The following ME1 variants were observed in gnomAD, a reference collection of about 807,000 sequenced individuals.
ME1 encodes the protein NADP-dependent malic enzyme.
Under a neutral mutation model 66.4 loss-of-function variants are expected in ME1, and 74 were observed. The observed-to-expected ratio is 1.11, with a 90% CI of 0.92 to 1.35. ME1 has a LOEUF of 1.35. Among genes scored for constraint, ME1 ranks in the 40% most tolerant of loss-of-function variants. The probability of loss-of-function intolerance (pLI) is 0.00; values close to 1 mark genes in which losing one functional copy is unlikely to be tolerated. For missense variants in ME1, 750 were observed against 694.1 expected (o/e 1.08, Z -0.90); for synonymous variants, 251 against 235.6 (o/e 1.07, Z -0.60).
At chr6:83,259,837 T>C (rs1385606404) in intron 6 of ME1, among the ~76,000 whole-genome samples, 1 of 150,604 alleles carries the variant, frequency 6.6e-6, no homozygotes, top group African/African-American at 2.5e-5. Flanking sequence ...TCTTAATTAT[T>C]CTTTGTGACA....
intron 6 of ME1, among the ~76,000 whole-genome samples, chr6:83,297,878 C>A (rs1583364657): frequency 6.6e-6 from 1 of 152,286 alleles, no homozygotes; most frequent in East Asian, 1.9e-4. Flanking sequence ...CATGTCCCTG[C>A]AAAGGACATG....
At chr6:83,387,030 C>T (rs1188329138) in intron 3 of ME1, among the ~76,000 whole-genome samples, 1 of 152,082 alleles carries the variant, frequency 6.6e-6, no homozygotes, top group Admixed American at 6.6e-5. Context: ...GACAGTGCCA[C>T]AGTCTTATTT....
intron 6 of ME1, among the ~76,000 whole-genome samples, chr6:83,308,497 T>C (rs1767866631): frequency 6.7e-6 from 1 of 150,184 alleles, no homozygotes; most frequent in Non-Finnish European, 1.5e-5. Context: ...AAAAGGATAC[T>C]ATAAGGAGTA....
intron 12 of ME1, among the ~76,000 whole-genome samples, chr6:83,223,072 A>G (rs188489718): frequency 6.6e-6 from 1 of 152,370 alleles, no homozygotes; most frequent in Non-Finnish European, 1.5e-5. Context: ...CTTTCACTTT[A>G]AACCTTCAAA....
At chr6:83,317,991 A>T (rs1400759952) in intron 5 of ME1, among the ~76,000 whole-genome samples, 1 of 152,164 alleles carries the variant, frequency 6.6e-6, no homozygotes, top group Non-Finnish European at 1.5e-5. Context: ...CCTCAGAAAT[A>T]ACGCCACATA....
Position 83,304,526 on chromosome 6 carries a change from T to C in ME1, c.704+10784A>G, listed in dbSNP as rs1324958389. ...AAAACTTTAACAATAGCTTATTTTG[T>C]TTTCTATTCACAAATGTGGCATTTT... is the stretch of plus-strand genomic sequence containing the variant. On this transcript the variant is annotated intron_variant, in intron 6 of 13. Transcript: ENST00000369705. Among the ~76,000 whole-genome samples, 3 of 152,298 alleles carry C rather than the reference T, an allele frequency of 2.0e-5. No homozygotes were observed. In the East Asian group the frequency reaches 5.8e-4, roughly 29 times the overall value.
At chr6:83,362,517 A>T (rs1020601733) in intron 3 of ME1, among the ~76,000 whole-genome samples, 5 of 152,188 alleles carry the variant, frequency 3.3e-5, no homozygotes, top group African/African-American at 1.2e-4. Context: ...GAGGTTACGT[A>T]TGGGCTCAGC....
chr6:83,310,418 GAGTTTAATCTC>G lies in ME1; in HGVS notation c.704+4881_704+4891del, dbSNP rs1373624452. Among the ~76,000 whole-genome samples, 10 of 152,150 alleles carry G rather than the reference GAGTTTAATCTC, an allele frequency of 6.6e-5. No homozygotes were observed. The East Asian group carries it at 1.5e-3, about 23-fold the overall frequency. On this transcript the variant is annotated intron_variant, in intron 6 of 13. Transcript: ENST00000369705. ...TGCTTCCTTTGTTATTTCTTCCACAGAGTTTAATCTCAAGGGCACTTCTTACAAACCTCTTA... is the reference window on the plus strand; with the variant it reads ...TGCTTCCTTTGTTATTTCTTCCACAGAAGGGCACTTCTTACAAACCTCTTA...
intron 3 of ME1, among the ~76,000 whole-genome samples, chr6:83,359,530 G>C (rs1337610291): frequency 6.6e-6 from 1 of 152,176 alleles, no homozygotes; most frequent in Non-Finnish European, 1.5e-5. Flanking sequence ...TGCAGCTCAG[G>C]GGGTTACAAA....
At chr6:83,388,344 C>G (rs544441613) in intron 3 of ME1, among the ~76,000 whole-genome samples, 67 of 152,246 alleles carry the variant, frequency 4.4e-4, no homozygotes, top group African/African-American at 1.5e-3. Flanking sequence ...CCTTGGCCCC[C>G]CAAAGTACTG....
At chr6:83,402,700 A>G (rs1769860281) in intron 2 of ME1, among the ~76,000 whole-genome samples, 2 of 152,162 alleles carry the variant, frequency 1.3e-5, no homozygotes, top group South Asian at 4.1e-4. Context: ...GCTAATGAAA[A>G]CAACAATCCA....
chr6:83,345,134 G>C (rs1362122324), intron 5 of ME1, among the ~76,000 whole-genome samples: 1 of 152,026 alleles, frequency 6.6e-6, no homozygotes, highest in Non-Finnish European at 1.5e-5. Flanking sequence ...TGAGTAGCTA[G>C]GACTGTAGGT....
chr6:83,290,478 C>T (rs889576103), intron 6 of ME1, among the ~76,000 whole-genome samples: 3 of 152,164 alleles, frequency 2.0e-5, no homozygotes, highest in Non-Finnish European at 2.9e-5. Flanking sequence ...TTTGATTGCA[C>T]TGTGGTCTGA....
chr6:83,299,253 C>T (rs1767666029), intron 6 of ME1, among the ~76,000 whole-genome samples: 1 of 151,886 alleles, frequency 6.6e-6, no homozygotes, highest in Admixed American at 6.6e-5. Context: ...GAAGGTTTTC[C>T]ATTTGTTTGT....
At chr6:83,299,351 T>G (rs905265743) in intron 6 of ME1, among the ~76,000 whole-genome samples, 3 of 152,150 alleles carry the variant, frequency 2.0e-5, no homozygotes, top group African/African-American at 7.2e-5. Flanking sequence ...CTAGATATTT[T>G]ATTCTCTTTA....
chr6:83,346,755 C>T (rs1768693721), intron 4 of ME1, among the ~76,000 whole-genome samples: 1 of 152,104 alleles, frequency 6.6e-6, no homozygotes, highest in African/African-American at 2.4e-5. Context: ...CCTAAATGCT[C>T]TGATCTTCAG....
In ME1 at chr6:83,274,782, A is replaced by C. The variant is rs114732831; in HGVS notation, c.705-21044T>G. Among the ~76,000 whole-genome samples, 1,005 of 152,352 alleles carry C rather than the reference A, an allele frequency of 6.6e-3. 11 individuals are homozygous for C. The highest frequency in any genetic ancestry group is 0.023 in the African/African-American group (953 of 41,570). On this transcript the variant is annotated intron_variant, in intron 6 of 13. Transcript: ENST00000369705. The stretch of plus-strand genomic sequence containing the variant: ...GCTGCTATTTACAAATCACTACACA[A>C]ATAAGAGATGCACATCACGATCAGT...
intron 7 of ME1, among the ~76,000 whole-genome samples, chr6:83,251,264 G>C (rs1180834348): frequency 6.6e-6 from 1 of 152,066 alleles, no homozygotes; most frequent in Non-Finnish European, 1.5e-5. Flanking sequence ...GGAGGCTGAG[G>C]CGGGCAGATC....
intron 3 of ME1, among the ~76,000 whole-genome samples, chr6:83,362,060 G>T (rs1450627860): frequency 1.3e-5 from 2 of 152,198 alleles, no homozygotes; most frequent in Admixed American, 1.3e-4. Context: ...ACCCGAAAGT[G>T]GACAGCTACA....
Sources: allele counts gnomAD v4.1 joint callset (sites outside exome capture counted in the v4.1 genomes callset), GRCh38; gene constraint gnomAD v4.1.1; transcripts MANE v1.5; gene names NCBI Gene and HGNC (gene_info 2026-07-23, HGNC 2026-07-21).